Variants in DNAAF4 observed in about 807,000 individuals in gnomAD.
DNAAF4 encodes the protein dynein assembly factor 4, axonemal.
A neutral mutation model predicts 51.8 loss-of-function variants in DNAAF4; 43 were observed. The observed-to-expected ratio is 0.83, with a 90% CI of 0.65 to 1.07. The LOEUF is 1.07. DNAAF4 is among the 50% of genes least tolerant of loss of function. The pLI, the probability that DNAAF4 is intolerant of heterozygous loss-of-function variation, is 0.00. For synonymous variants in DNAAF4, 194 were observed against 165.6 expected (o/e 1.17, Z -1.32); for missense variants, 581 against 493.0 (o/e 1.18, Z -1.69).
chr15:55,483,808 G>A (rs1002616446), intron 4 of DNAAF4, among the ~76,000 whole-genome samples: 2 of 125,178 alleles, frequency 1.6e-5, no homozygotes, highest in African/African-American at 5.9e-5. Flanking sequence ...TTACAGGCAT[G>A]AGCCATCACA....
rs994310787 is a variant in DNAAF4, at chr15:55,450,274, G to A, written c.731C>T (p.Pro244Leu). Reference sequence around the variant, plus strand: ...ACGAAGAGCTGTTGGGAATACTCGAGGGGTAAAGTTGATTTTAATACTGCC... The same window carrying A: ...ACGAAGAGCTGTTGGGAATACTCGAAGGGTAAAGTTGATTTTAATACTGCC... The part of the protein sequence containing the change: ...SVGSIKINFT[P>L]RVFPTALRES... Residue 244 changes from proline to leucine, a missense_variant, in exon 6 of 10, where the codon CCT (proline) becomes CTT (leucine). Coordinates refer to ENST00000321149, the MANE Select transcript of DNAAF4 (RefSeq NM_130810.4). The A allele has an allele frequency of 6.2e-7, 1 of 1,613,922 alleles. No homozygotes were observed. The highest frequency in any genetic ancestry group is 1.3e-5 in the African/African-American group (1 of 74,912).
At chr15:55,470,756 G>A (rs2058242849) in intron 4 of DNAAF4, among the ~76,000 whole-genome samples, 1 of 151,570 alleles carries the variant, frequency 6.6e-6, no homozygotes, top group African/African-American at 2.4e-5. Flanking sequence ...TGCTGCCCAG[G>A]CTGGTCTTGA....
At chr15:55,433,657 C>G (rs1211047381) in intron 8 of DNAAF4, among the ~76,000 whole-genome samples, 2 of 140,142 alleles carry the variant, frequency 1.4e-5, no homozygotes, top group South Asian at 4.3e-4. Context: ...GCCTCAAGCA[C>G]TCACCTAAAT....
chr15:55,446,096 T>G (rs1442500271), intron 6 of DNAAF4, among the ~76,000 whole-genome samples: 4 of 127,318 alleles, frequency 3.1e-5, no homozygotes, highest in African/African-American at 1.2e-4. Flanking sequence ...GAGGCGCTCC[T>G]CACATCCCAG....
At chr15:55,464,964 T>C (rs1054897091) in intron 5 of DNAAF4, among the ~76,000 whole-genome samples, 24 of 152,024 alleles carry the variant, frequency 1.6e-4, no homozygotes, top group African/African-American at 4.8e-4. Context: ...TCAAAATAAA[T>C]AAACAAACAA....
intron 4 of DNAAF4, among the ~76,000 whole-genome samples, chr15:55,478,746 C>A (rs1205865049): frequency 6.6e-6 from 1 of 152,130 alleles, no homozygotes; most frequent in Admixed American, 6.6e-5. Context: ...ACAAGACAAG[C>A]AGTAAACCTT....
At chr15:55,441,408 T>C (rs1303411267) in intron 6 of DNAAF4, among the ~76,000 whole-genome samples, 1 of 151,592 alleles carries the variant, frequency 6.6e-6, no homozygotes, top group Non-Finnish European at 1.5e-5. Flanking sequence ...TTATAATATT[T>C]TCATTTTTCT....
At chr15:55,438,895 C>T (rs1461014668) in intron 7 of DNAAF4, among the ~76,000 whole-genome samples, 3 of 151,768 alleles carry the variant, frequency 2.0e-5, no homozygotes, top group African/African-American at 4.8e-5. Context: ...AAATGTAAAA[C>T]GGATTTTAAA....
intron 4 of DNAAF4, among the ~76,000 whole-genome samples, chr15:55,480,832 G>C (rs140808352): frequency 6.6e-6 from 1 of 152,254 alleles, no homozygotes; most frequent in East Asian, 1.9e-4. Context: ...AAACAGAAGA[G>C]GACTGATAAG....
intron 4 of DNAAF4, among the ~76,000 whole-genome samples, chr15:55,480,038 T>C (rs962121218): frequency 6.6e-6 from 1 of 152,178 alleles, no homozygotes; most frequent in Admixed American, 6.5e-5. Context: ...CTTTGTCCTG[T>C]TCCCTCAGAA....
chr15:55,465,389 T>TACACAC (rs200097648), intron 5 of DNAAF4, among the ~76,000 whole-genome samples: 8,420 of 128,334 alleles, frequency 0.066, 278 homozygotes, highest in African/African-American at 0.09. Context: ...ATATGGTGTA[T>TACACAC]ATATACACAC....
At chr15:55,452,816 T>C (rs1239711059) in intron 5 of DNAAF4, among the ~76,000 whole-genome samples, 4 of 152,162 alleles carry the variant, frequency 2.6e-5, no homozygotes, top group South Asian at 2.1e-4. Context: ...TAGATGCAAA[T>C]AGATTAATAT....
intron 5 of DNAAF4, among the ~76,000 whole-genome samples, chr15:55,457,615 A>G (rs1278100003): frequency 6.6e-6 from 1 of 152,176 alleles, no homozygotes; most frequent in Non-Finnish European, 1.5e-5. Flanking sequence ...TCAAGCCACC[A>G]TAGCAACTCA....
rs2058182215 is a variant in DNAAF4 at position 55,467,154 on chromosome 15, T to A, written c.413A>T (p.Glu138Val). Residue 138 changes from glutamate (E) to valine (V), a missense_variant, in exon 5 of 10, where the codon GAA becomes GTA. Transcript: ENST00000321149. ...YALSVMMKIE[E>V]EERKKIEDMK... is the part of the protein sequence containing the mutation. Reference sequence around the variant, plus strand: ...ATCTTCTATTTTTTTCCTCTCTTCTTCTTCAATCTATAACAATTGCAATTA... The same window carrying A: ...ATCTTCTATTTTTTTCCTCTCTTCTACTTCAATCTATAACAATTGCAATTA... 1.3e-6 allele frequency: 2 copies of A among 1,538,562 alleles called. No homozygotes were observed. The highest frequency in any genetic ancestry group is 1.7e-6 in the Non-Finnish European group (2 of 1,143,632).
chr15:55,428,484 CTTTTTTTTTTTTTTTTT>C (rs747325376), downstream of DNAAF4, among the ~76,000 whole-genome samples: 2 of 85,012 alleles, frequency 2.4e-5, no homozygotes, highest in African/African-American at 4.2e-5. Flanking sequence ...TCTTTTTTTT[CTTTTTTTTTTTTTTTTT>C]TTTTTTTTTT....
chr15:55,497,092 C>G (rs2058650370), intron 3 of DNAAF4, among the ~76,000 whole-genome samples: 1 of 152,150 alleles, frequency 6.6e-6, no homozygotes, highest in Admixed American at 6.5e-5. Context: ...ATTTCCTGTT[C>G]TAAGCGGCCT....
chr15:55,468,449 A>T (rs1477345917), intron 4 of DNAAF4, among the ~76,000 whole-genome samples: 1 of 152,208 alleles, frequency 6.6e-6, no homozygotes, highest in Non-Finnish European at 1.5e-5. Context: ...ATATATTCTT[A>T]GTTCAGAGAG....
chr15:55,473,115 G>A (rs1225776650), intron 4 of DNAAF4, among the ~76,000 whole-genome samples: 3 of 148,036 alleles, frequency 2.0e-5, no homozygotes, highest in Non-Finnish European at 3.0e-5. Flanking sequence ...GCAGTGAGCC[G>A]AGACTGCGCC....
chr15:55,441,848 C>G (rs2057719954), intron 6 of DNAAF4, among the ~76,000 whole-genome samples: 1 of 152,100 alleles, frequency 6.6e-6, no homozygotes, highest in African/African-American at 2.4e-5. Context: ...TCCCAGACAA[C>G]AGATTTGAGG....
Sources: gnomAD v4.1 joint callset for allele counts (sites outside exome capture counted in the v4.1 genomes callset) on GRCh38, gnomAD v4.1.1 for gene constraint, MANE v1.5 for transcripts, NCBI Gene and HGNC (gene_info 2026-07-23, HGNC 2026-07-21) for gene names.